JAZF1: variants seen among roughly 807,000 people sequenced by gnomAD.
JAZF1 encodes the protein juxtaposed with another zinc finger protein 1.
A neutral mutation model predicts 26.4 loss-of-function variants in JAZF1; 8 were observed. That is an observed-to-expected ratio of 0.30 (90% CI 0.18 to 0.55). The LOEUF is 0.55. Ranked by LOEUF, JAZF1 falls within the 20% of genes least tolerant of loss-of-function variation. The pLI is 0.94. For synonymous variants in JAZF1, 126 were observed against 122.3 expected (o/e 1.03, Z -0.20); for missense variants, 199 against 322.0 (o/e 0.62, Z 2.92).
rs140232171 is a variant in JAZF1 at position 28,012,521 on chromosome 7, G to C, written c.116-20540C>G. ...TTGGGATACAAATTTGTTGTTGATA[G>C]GTCAGCCAATTAAGGCCACTGAAGG... is the stretch of plus-strand genomic sequence containing the variant. On this transcript the variant is annotated intron_variant, in intron 1 of 4. Transcript: ENST00000283928. Among the ~76,000 whole-genome samples, 447 of 152,314 alleles carry C rather than the reference G, an allele frequency of 2.9e-3. 2 individuals carry two copies. The highest frequency in any genetic ancestry group is 0.01 in the African/African-American group (425 of 41,566).
chr7:27,947,998 A>T (rs980228649), intron 2 of JAZF1, among the ~76,000 whole-genome samples: 1 of 152,176 alleles, frequency 6.6e-6, no homozygotes, highest in Non-Finnish European at 1.5e-5. Context: ...TTCATGGCAG[A>T]GGCTGCCAAG....
chr7:27,857,385 C>A (rs1164005199), intron 3 of JAZF1, among the ~76,000 whole-genome samples: 1 of 152,202 alleles, frequency 6.6e-6, no homozygotes, highest in African/African-American at 2.4e-5. Context: ...TTCCCACCTG[C>A]GCCTCTCCCT....
chr7:27,908,084 CTG>C (rs1335342132), intron 2 of JAZF1, among the ~76,000 whole-genome samples: 3 of 152,180 alleles, frequency 2.0e-5, no homozygotes, highest in Non-Finnish European at 4.4e-5. Context: ...ACTGTAATAT[CTG>C]AGAGAGAAAG....
At chr7:28,047,599 C>A (rs1783518637) in intron 1 of JAZF1, among the ~76,000 whole-genome samples, 1 of 151,948 alleles carries the variant, frequency 6.6e-6, no homozygotes, top group Non-Finnish European at 1.5e-5. Context: ...CCTTTCATCC[C>A]ATAATACTAT....
intron 1 of JAZF1, among the ~76,000 whole-genome samples, chr7:28,173,243 C>T (rs906465197): frequency 1.6e-4 from 25 of 152,172 alleles, no homozygotes; most frequent in African/African-American, 5.8e-4. Context: ...TCAGTCTGTA[C>T]ATGTCTGGTC....
At chr7:27,850,445 T>A (rs11763207) in intron 3 of JAZF1, among the ~76,000 whole-genome samples, 1 of 152,014 alleles carries the variant, frequency 6.6e-6, no homozygotes, top group Non-Finnish European at 1.5e-5. Flanking sequence ...AATACTTCCA[T>A]AGGACTTTAC....
intron 3 of JAZF1, among the ~76,000 whole-genome samples, chr7:27,879,291 T>C (rs1343453623): frequency 2.0e-5 from 3 of 152,166 alleles, no homozygotes; most frequent in Admixed American, 1.3e-4. Context: ...ACCTGTTGTT[T>C]GACATTTAGC....
intron 1 of JAZF1, among the ~76,000 whole-genome samples, chr7:28,005,244 T>C (rs1392537405): frequency 2.6e-5 from 4 of 152,176 alleles, no homozygotes; most frequent in African/African-American, 9.7e-5. Context: ...GTAAGTCAGA[T>C]TGGCCAGAAC....
At chr7:27,842,219 A>C (rs1782936668) in intron 3 of JAZF1, 1 of 152,218 alleles carries the variant, frequency 6.6e-6, no homozygotes, top group Non-Finnish European at 1.5e-5. Flanking sequence ...CACTCTGTGC[A>C]TTATCTCATT....
intron 1 of JAZF1, among the ~76,000 whole-genome samples, chr7:27,995,142 T>C (rs916323026): frequency 2.6e-5 from 4 of 152,206 alleles, no homozygotes; most frequent in Non-Finnish European, 5.9e-5. Context: ...TTGAACATGA[T>C]AAATCGCTAC....
At chr7:28,005,413 T>A (rs1411020178) in intron 1 of JAZF1, among the ~76,000 whole-genome samples, 3 of 149,550 alleles carry the variant, frequency 2.0e-5, no homozygotes, top group Non-Finnish European at 3.0e-5. Context: ...GAATCATTGC[T>A]TAAAAAAAAA....
intron 1 of JAZF1, among the ~76,000 whole-genome samples, chr7:28,002,783 C>T (rs546871879): frequency 6.6e-6 from 1 of 152,184 alleles, no homozygotes; most frequent in African/African-American, 2.4e-5. Flanking sequence ...ACATGGCTTC[C>T]TGGTATAAAA....
intron 2 of JAZF1, among the ~76,000 whole-genome samples, chr7:27,973,887 T>G (rs543217314): frequency 1.3e-5 from 2 of 152,162 alleles, no homozygotes; most frequent in Admixed American, 1.3e-4. Flanking sequence ...GGGAGATCGG[T>G]GAACTCTTGG....
At chr7:28,111,362 T>C (rs1461925403) in intron 1 of JAZF1, among the ~76,000 whole-genome samples, 1 of 152,284 alleles carries the variant, frequency 6.6e-6, no homozygotes, top group African/African-American at 2.4e-5. Context: ...TTTAGGGTTC[T>C]GTTTTATTTA....
At chr7:28,125,988 T>G in intron 1 of JAZF1, among the ~76,000 whole-genome samples, 1 of 152,132 alleles carries the variant, frequency 6.6e-6, no homozygotes, top group African/African-American at 2.4e-5. Flanking sequence ...TCCACCGGAA[T>G]GGGATCCAAG....
intron 2 of JAZF1, among the ~76,000 whole-genome samples, chr7:27,989,626 T>C (rs1785852563): frequency 6.6e-6 from 1 of 152,156 alleles, no homozygotes; most frequent in African/African-American, 2.4e-5. Context: ...GGGCAAAGTG[T>C]ATGAACAGAC....
At chr7:28,065,835 G>C (rs921878424) in intron 1 of JAZF1, among the ~76,000 whole-genome samples, 1 of 152,112 alleles carries the variant, frequency 6.6e-6, no homozygotes, top group African/African-American at 2.4e-5. Context: ...GTGTGTTAGC[G>C]ATTACAGCCC....
chr7:28,053,831 T>C (rs538463036), intron 1 of JAZF1, among the ~76,000 whole-genome samples: 9 of 152,260 alleles, frequency 5.9e-5, no homozygotes, highest in Non-Finnish European at 1.0e-4. Context: ...GAGAAGATGC[T>C]AGAGGGCCTC....
chr7:27,887,179 G>A (rs915910800), intron 3 of JAZF1, among the ~76,000 whole-genome samples: 1 of 152,086 alleles, frequency 6.6e-6, no homozygotes, highest in Non-Finnish European at 1.5e-5. Flanking sequence ...ATGGGTACTA[G>A]GGTTAATACC....
Sources: allele counts gnomAD v4.1 joint callset (sites outside exome capture counted in the v4.1 genomes callset), GRCh38; gene constraint gnomAD v4.1.1; transcripts MANE v1.5; gene names NCBI Gene and HGNC (gene_info 2026-07-23, HGNC 2026-07-21).